RNGTT: variants seen among roughly 807,000 people sequenced by gnomAD.
The protein encoded by RNGTT is RNA guanylyltransferase and 5'-phosphatase, also known as mRNA-capping enzyme.
RNGTT carries 33 observed loss-of-function variants against 79.3 expected under a neutral mutation model. The observed-to-expected ratio is 0.42, with a 90% CI of 0.32 to 0.56. The LOEUF (loss-of-function observed/expected upper bound fraction) is 0.56, where lower values mean the gene tolerates loss of function less well. RNGTT is among the 20% of genes least tolerant of loss of function. RNGTT has a pLI of 0.17. For synonymous variants in RNGTT, 222 were observed against 235.9 expected (o/e 0.94, Z 0.54); for missense variants, 497 against 739.1 (o/e 0.67, Z 3.80).
intron 11 of RNGTT, among the ~76,000 whole-genome samples, chr6:88,821,014 G>A (rs1780481282): frequency 6.6e-6 from 1 of 152,054 alleles, no homozygotes; most frequent in Non-Finnish European, 1.5e-5. Context: ...TATTGAAGGA[G>A]AAGAATAAGA....
chr6:88,894,592 A>G (rs958190356), intron 6 of RNGTT, among the ~76,000 whole-genome samples: 9 of 152,216 alleles, frequency 5.9e-5, no homozygotes, highest in Admixed American at 1.3e-4. Context: ...GAAGGACCGC[A>G]TGTACACACA....
At chr6:88,703,106 T>C (rs908253700) in intron 13 of RNGTT, among the ~76,000 whole-genome samples, 2 of 152,170 alleles carry the variant, frequency 1.3e-5, no homozygotes, top group African/African-American at 2.4e-5. Flanking sequence ...TTGGGAGGAA[T>C]GTAAAGTAGC....
Position 88,659,610 on chromosome 6 carries a change from T to TAA in RNGTT, c.1506+18741_1506+18742dup, listed in dbSNP as rs111951040. Among the ~76,000 whole-genome samples, 572 of 144,470 alleles carry TAA rather than the reference T, an allele frequency of 4.0e-3. 5 individuals carry two copies. The highest frequency in any genetic ancestry group is 0.014 in the African/African-American group (557 of 40,328). The allele number at this position is 144,470 out of a possible 152,430, so 94.8% of individuals were successfully genotyped here. On this transcript the variant is annotated intron_variant, in intron 14 of 15. Transcript: ENST00000369485. ...AGACAAAGACAAAGAGAAAAAGAAT[T>TAA]AAAAAAAAAAAATGAACAAAGCCTC...
At chr6:88,930,199 CAT>C (rs1491213819) in intron 2 of RNGTT, among the ~76,000 whole-genome samples, 4 of 141,898 alleles carry the variant, frequency 2.8e-5, no homozygotes, top group South Asian at 2.1e-4. Flanking sequence ...TATACATAAA[CAT>C]ATATACATAT....
At chr6:88,825,773 CT>C (rs1368900759) in intron 11 of RNGTT, among the ~76,000 whole-genome samples, 1 of 152,194 alleles carries the variant, frequency 6.6e-6, no homozygotes, top group Non-Finnish European at 1.5e-5. Flanking sequence ...CAAAATTGCT[CT>C]GATTATGACC....
intron 8 of RNGTT, among the ~76,000 whole-genome samples, chr6:88,888,572 G>A (rs369255242): frequency 3.7e-4 from 57 of 152,156 alleles, no homozygotes; most frequent in African/African-American, 1.3e-3. Context: ...AAGCACACAA[G>A]GCACATTTTT....
chr6:88,773,437 T>A lies in RNGTT; in HGVS notation c.1339-3563A>T, dbSNP rs548212705. ...TATACATATGTAACTAACCTGCACA[T>A]TGTGCACATGTACCCTAAAACTTAA... On this transcript the variant is annotated intron_variant, in intron 12 of 15. Transcript: ENST00000369485. 2.6e-4 allele frequency among the ~76,000 whole-genome samples: 39 copies of A among 150,852 alleles called. 2 individuals are homozygous for A. In the South Asian group the frequency reaches 8.1e-3, roughly 32 times the overall value.
intron 4 of RNGTT, among the ~76,000 whole-genome samples, chr6:88,920,134 T>G (rs1378747376): frequency 6.6e-6 from 1 of 152,098 alleles, no homozygotes; most frequent in Non-Finnish European, 1.5e-5. Flanking sequence ...AAAAATTATT[T>G]AATATAATAC....
In RNGTT at chr6:88,910,898, C is replaced by A. The variant is rs536676911; in HGVS notation, c.368-4458G>T. Among the ~76,000 whole-genome samples, 3 of 152,190 alleles carry A rather than the reference C, an allele frequency of 2.0e-5. No individual in the cohort carries two copies. The South Asian group carries it at 6.2e-4, about 32-fold the overall frequency. Reference sequence around the variant, plus strand: ...ATCCCACCAAATTAAGCTTCATAAGCGAAGGAGAAATAAAATCTTTGCAGG... The same window carrying A: ...ATCCCACCAAATTAAGCTTCATAAGAGAAGGAGAAATAAAATCTTTGCAGG... On this transcript the variant is annotated intron_variant, in intron 4 of 15. Coordinates refer to ENST00000369485, the MANE Select transcript of RNGTT (RefSeq NM_003800.5).
chr6:88,678,892 C>T (rs1774983739), intron 13 of RNGTT, among the ~76,000 whole-genome samples: 1 of 152,116 alleles, frequency 6.6e-6, no homozygotes, highest in African/African-American at 2.4e-5. Context: ...CCTTGAATAA[C>T]ACAAGTTTGA....
At chr6:88,955,014 T>C (rs1303051091) in intron 1 of RNGTT, among the ~76,000 whole-genome samples, 1 of 152,032 alleles carries the variant, frequency 6.6e-6, no homozygotes, top group African/African-American at 2.4e-5. Context: ...GCTGAGATCG[T>C]ACCATTGCAT....
chr6:88,944,779 TA>T (rs1760086595), intron 1 of RNGTT, among the ~76,000 whole-genome samples: 1 of 152,218 alleles, frequency 6.6e-6, no homozygotes, highest in Non-Finnish European at 1.5e-5. Context: ...TTTACTTCTC[TA>T]TAACTGTGCA....
intron 1 of RNGTT, among the ~76,000 whole-genome samples, chr6:88,962,845 C>A (rs1351596533): frequency 6.6e-6 from 1 of 151,880 alleles, no homozygotes; most frequent in East Asian, 1.9e-4. Flanking sequence ...GTGGGAGGAT[C>A]CCCAGCCCGA....
intron 8 of RNGTT, among the ~76,000 whole-genome samples, chr6:88,862,192 C>A (rs1239993958): frequency 6.6e-6 from 1 of 152,106 alleles, no homozygotes; most frequent in Non-Finnish European, 1.5e-5. Context: ...TGATGGTTGG[C>A]AGCTCTAGGT....
Position 88,891,910 on chromosome 6 carries a change from A to G in RNGTT, c.690T>C (p.Ala230=), listed in dbSNP as rs539331544. ...TAACAGTAACACCTTCCAAGAAAAT[A>G]GCGCCCTTTAAAAAAAAAATAAGAA... ...KRRKERLKLG[A]IFLEGVTVKG... The change falls in exon 7 of 16, where the codon GCT becomes GCC. Residue 230 remains alanine (A), a synonymous_variant. Transcript: ENST00000369485. 122 of 1,546,618 alleles carry G rather than the reference A, an allele frequency of 7.9e-5. No homozygotes were observed. The South Asian group carries it at 1.4e-3, about 18-fold the overall frequency.
At chr6:88,639,208 A>G (rs1013960239) in intron 14 of RNGTT, among the ~76,000 whole-genome samples, 5 of 152,080 alleles carry the variant, frequency 3.3e-5, no homozygotes, top group Admixed American at 6.5e-5. Context: ...ATGTGACACT[A>G]TTATAATAAA....
intron 6 of RNGTT, among the ~76,000 whole-genome samples, chr6:88,901,395 C>A (rs1783452533): frequency 6.6e-6 from 1 of 151,066 alleles, no homozygotes; most frequent in Admixed American, 6.6e-5. Flanking sequence ...AAGAAATTAC[C>A]TTCAAAGAAG....
At position 88,743,427 on chromosome 6, in the gene RNGTT, A is replaced by G. The variant is rs530008323; in HGVS notation, c.1439+26347T>C. Among the ~76,000 whole-genome samples the G allele has an allele frequency of 4.8e-5, 7 of 146,114 alleles. No individual in the cohort carries two copies. In the South Asian group the frequency reaches 9.1e-4, roughly 19 times the overall value. On this transcript the variant is annotated intron_variant, in intron 13 of 15. Coordinates refer to ENST00000369485, the MANE Select transcript of RNGTT (RefSeq NM_003800.5). ...ACAACCATCACCACCATTCATCTCC[A>G]TAAGTTTTGTTTTGTTTTGTTTTGT...
chr6:88,722,435 C>T (rs1408062686), intron 13 of RNGTT, among the ~76,000 whole-genome samples: 3 of 152,154 alleles, frequency 2.0e-5, no homozygotes, highest in Non-Finnish European at 4.4e-5. Context: ...ACAGGGCACA[C>T]TGTCACCCTA....
Sources: allele counts gnomAD v4.1 joint callset (sites outside exome capture counted in the v4.1 genomes callset), GRCh38; gene constraint gnomAD v4.1.1; transcripts MANE v1.5; gene names NCBI Gene and HGNC (gene_info 2026-07-23, HGNC 2026-07-21).